The following NLRC5 variants were observed in gnomAD, a reference collection of about 807,000 sequenced individuals.
NLRC5 encodes the protein NLR family CARD domain containing 5.
In NLRC5, 114 loss-of-function variants were observed where a neutral mutation model predicts 206.9. The observed-to-expected ratio is 0.55, with a 90% CI of 0.47 to 0.64. The LOEUF is 0.64. Ranked by LOEUF, NLRC5 falls within the 30% of genes least tolerant of loss-of-function variation. The probability of loss-of-function intolerance (pLI) is 0.00; values close to 1 mark genes in which losing one functional copy is unlikely to be tolerated. For synonymous variants in NLRC5, 952 were observed against 962.8 expected (o/e 0.99, Z 0.21); for missense variants, 2,008 against 2,305.5 (o/e 0.87, Z 2.64).
At position 57,026,612 on chromosome 16, in the gene NLRC5, C is replaced by G; in HGVS notation, c.1669C>G (p.Leu557Val). Residue 557 changes from leucine (L) to valine (V), a missense_variant, in exon 6 of 49, where the codon CTC becomes GTC. Leu to Val is a conservative substitution (Grantham distance 32, BLOSUM62 1). Coordinates refer to ENST00000688547, the MANE Select transcript of NLRC5 (RefSeq NM_001384950.1). ...ACAGCGGACCAAAGCTAGACTGGGC[C>G]TCTCAGACCACCTCCCCACCTTCCT... The part of the protein sequence containing the change: ...WVQRTKARLG[L>V]SDHLPTFLAG... 1 of 1,614,226 alleles carries G rather than the reference C, an allele frequency of 6.2e-7. No individual in the cohort carries two copies. Among genetic ancestry groups the G allele is most frequent in the Non-Finnish European group, 8.5e-7 (1 of 1,180,046 alleles).
intron 15 of NLRC5, among the ~76,000 whole-genome samples, chr16:57,038,241 G>A (rs1250095145): frequency 2.6e-5 from 4 of 152,116 alleles, no homozygotes; most frequent in East Asian, 1.9e-4. Flanking sequence ...GAGGGGTGAC[G>A]GGGAGTTATT....
chr16:57,020,877 C>T lies in NLRC5; in HGVS notation c.165C>T (p.Ile55=). ...CCTTGGACCCTGAACAGAGAGTCAT[C>T]CTGCAACTCAACAAGCTGCATGTCC... ...NETLDPEQRV[I]LQLNKLHVQG... The change falls in exon 3 of 49, where the codon ATC becomes ATT. Residue 55 remains isoleucine (I), a synonymous_variant. Transcript: ENST00000688547. 6.2e-7 allele frequency: 1 copy of T among 1,613,858 alleles called. No individual in the cohort carries two copies. The highest frequency in any genetic ancestry group is 8.5e-7 in the Non-Finnish European group (1 of 1,179,976).
At chr16:57,079,513 C>T in intron 45 of NLRC5, 33 bp from the exon 46 acceptor site, 1 of 1,581,298 alleles carries the variant, frequency 6.3e-7, no homozygotes, top group Non-Finnish European at 8.7e-7. Context: ...TCAAACAACC[C>T]CCATCCCATC....
In NLRC5 at chr16:57,006,413, C is replaced by CTTTTTTTTTTTT. The variant is rs58713490; in HGVS notation, c.-127-10649_-127-10638dup. 4.5e-4 allele frequency among the ~76,000 whole-genome samples: 41 copies of CTTTTTTTTTTTT among 90,834 alleles called. 3 individuals are homozygous for CTTTTTTTTTTTT. The highest frequency in any genetic ancestry group is 4.9e-4 in the Non-Finnish European group (24 of 48,670). 59.6% of individuals were successfully genotyped at this position (90,834 alleles called of 152,430 possible). A position where few individuals can be genotyped will look rare whatever the true frequency, so the allele number is the denominator to read the frequency against. ...ATTCCATAAAGTTCATCTTCATCCTCTTTTTTTTTTTTTTTTTTTTTTTGA... is the reference window on the plus strand; with the variant it reads ...ATTCCATAAAGTTCATCTTCATCCTCTTTTTTTTTTTTTTTTTTTTTTTTTTTTTTTTTTTGA... On this transcript the variant is annotated intron_variant, in intron 1 of 48. Transcript: ENST00000688547.
intron 1 of NLRC5, among the ~76,000 whole-genome samples, chr16:56,993,140 C>CACACACACATATACACATATATAG (rs2057153336): frequency 1.1e-5 from 1 of 88,694 alleles, no homozygotes; most frequent in Non-Finnish European, 2.8e-5. Context: ...TATACACACA[C>CACACACACATATACACATATATAG]ACACACACAC....
chr16:57,013,214 A>G (rs141010085), intron 1 of NLRC5: 164 of 470,892 alleles, frequency 3.5e-4, no homozygotes, highest in African/African-American at 3.2e-3. Flanking sequence ...GGTTGCGAAC[A>G]GTATCAAATC....
intron 24 of NLRC5, among the ~76,000 whole-genome samples, 175 bp from the exon 25 acceptor site, chr16:57,054,576 A>G (rs1473079258): frequency 6.6e-6 from 1 of 151,900 alleles, no homozygotes; most frequent in Non-Finnish European, 1.5e-5. Flanking sequence ...CAGAACTGGG[A>G]CTCAAATCCA....
At chr16:57,079,478 G>A in intron 45 of NLRC5, 68 bp from the exon 46 acceptor site, 1 of 1,462,232 alleles carries the variant, frequency 6.8e-7, no homozygotes, top group Non-Finnish European at 9.6e-7. Context: ...TGGCTCTGGA[G>A]GCAGGACCTG....
chr16:57,033,549 T>C lies in NLRC5; in HGVS notation c.2478-55T>C, dbSNP rs1300201887. On this transcript the variant is annotated intron_variant, in intron 11 of 48. Coordinates refer to ENST00000688547, the MANE Select transcript of NLRC5 (RefSeq NM_001384950.1). The stretch of plus-strand genomic sequence containing the variant: ...CTAGAAGCCAAGGAAAGAGGCTTGA[T>C]CCACCAGGCCCTAGATGCCTGAGCC... 3 of 1,566,732 alleles carry C rather than the reference T, an allele frequency of 1.9e-6. No homozygotes were observed. The Admixed American group carries it at 5.0e-5, about 26-fold the overall frequency.
At chr16:57,025,245 C>A (rs2061159903) in intron 5 of NLRC5, 123 bp from the exon 6 acceptor site, 5 of 1,452,218 alleles carry the variant, frequency 3.4e-6, no homozygotes, top group Non-Finnish European at 4.5e-6. Flanking sequence ...ACACCCCCAC[C>A]CTCACCCCAT....
In NLRC5 at chr16:57,074,596, C is replaced by T; in HGVS notation, c.4668-4C>T. On this transcript the variant is annotated splice_polypyrimidine_tract_variant and splice_region_variant and intron_variant, in intron 38 of 48. Transcript: ENST00000688547. ...TCAAGTTCACCTGGCCTCCTCTTCT[C>T]CAGCCTCAGTCACCTTCTGCTGAAC... 1 of 1,613,816 alleles carries T rather than the reference C, an allele frequency of 6.2e-7. No homozygotes were observed. The highest frequency in any genetic ancestry group is 1.1e-5 in the South Asian group (1 of 91,068).
chr16:57,068,012 T>C (rs1423435915), intron 36 of NLRC5, among the ~76,000 whole-genome samples, 184 bp downstream of exon 36: 1 of 152,238 alleles, frequency 6.6e-6, no homozygotes, highest in African/African-American at 2.4e-5. Flanking sequence ...CTTAGGAACA[T>C]TGAGCCACAT....
intron 1 of NLRC5, among the ~76,000 whole-genome samples, chr16:56,995,691 A>G (rs1597056573): frequency 6.6e-6 from 1 of 152,184 alleles, no homozygotes; most frequent in Non-Finnish European, 1.5e-5. Flanking sequence ...AGGAGCATGC[A>G]TGCCTTGGGA....
intron 1 of NLRC5, among the ~76,000 whole-genome samples, chr16:56,996,533 T>G (rs2057636310): frequency 6.6e-6 from 1 of 152,030 alleles, no homozygotes; most frequent in African/African-American, 2.4e-5. Context: ...AAGTGGTACT[T>G]CAAAAAATAA....
chr16:57,042,630 T>C, intron 19 of NLRC5, among the ~76,000 whole-genome samples: 1 of 152,190 alleles, frequency 6.6e-6, no homozygotes, highest in East Asian at 1.9e-4. Flanking sequence ...CAGGCACTTC[T>C]GGGCCAAAGC....
Position 57,033,880 on chromosome 16 carries a change from G to C in NLRC5, c.2543+211G>C, listed in dbSNP as rs145869052. Among the ~76,000 whole-genome samples the C allele has an allele frequency of 9.9e-4, 151 of 152,296 alleles. 1 individual carries two copies. In the East Asian group the frequency reaches 0.027, roughly 27 times the overall value. ...ACAATAGCTGCAACTTAATGGAACC[G>C]GCTATCTATATGCCGGGCATTGCAC... On this transcript the variant is annotated intron_variant, in intron 12 of 48. Transcript: ENST00000688547.
chr16:57,027,150 C>A, intron 6 of NLRC5, 132 bp downstream of exon 6: 4 of 1,100,214 alleles, frequency 3.6e-6, no homozygotes, highest in Non-Finnish European at 3.8e-6. Flanking sequence ...GCCTGCAATG[C>A]AAGAGAGGAA....
chr16:57,004,047 GA>G (rs2058621620), intron 1 of NLRC5: 2 of 152,282 alleles, frequency 1.3e-5, no homozygotes, highest in South Asian at 4.2e-4. Context: ...GAGAGGGTGA[GA>G]AATGGATCCC....
intron 13 of NLRC5, among the ~76,000 whole-genome samples, chr16:57,035,698 G>A (rs2062468658): frequency 6.6e-6 from 1 of 152,194 alleles, no homozygotes; most frequent in Non-Finnish European, 1.5e-5. Context: ...TAATCATGAA[G>A]TTTATCACAA....
Sources: gnomAD v4.1 joint callset for allele counts (sites outside exome capture counted in the v4.1 genomes callset) on GRCh38, gnomAD v4.1.1 for gene constraint, MANE v1.5 for transcripts, NCBI Gene and HGNC (gene_info 2026-07-23, HGNC 2026-07-21) for gene names.